The following TENM2 variants were observed in gnomAD, a reference collection of about 807,000 sequenced individuals.
TENM2 encodes the protein teneurin-2.
TENM2 carries 52 observed loss-of-function variants against 245.2 expected under a neutral mutation model. The ratio of observed to expected loss-of-function variants is 0.21; its 90% confidence interval spans 0.17 to 0.27. The LOEUF (loss-of-function observed/expected upper bound fraction) is 0.27. TENM2 is among the 10% of genes least tolerant of loss of function. The pLI, the probability that TENM2 is intolerant of heterozygous loss-of-function variation, is 1.00. For missense variants in TENM2, 3,046 were observed against 3,666.8 expected (o/e 0.83, Z 4.37); for synonymous variants, 1,363 against 1,438.9 (o/e 0.95, Z 1.19).
chr5:167,077,449 A>C, the TENM2 span, among the ~76,000 whole-genome samples: 1 of 152,182 alleles, frequency 6.6e-6, no homozygotes, highest in African/African-American at 2.4e-5. Flanking sequence ...TACAACTAGG[A>C]GGGAGGAAAA....
intron 2 of TENM2, among the ~76,000 whole-genome samples, chr5:167,562,763 C>T (rs1773675512): frequency 6.6e-6 from 1 of 151,952 alleles, no homozygotes; most frequent in Admixed American, 6.6e-5. Flanking sequence ...TCAAGACCAG[C>T]CTGGCCAACA....
At chr5:168,066,016 C>T (rs1790472867) in intron 7 of TENM2, among the ~76,000 whole-genome samples, 1 of 152,050 alleles carries the variant, frequency 6.6e-6, no homozygotes, top group Non-Finnish European at 1.5e-5. Flanking sequence ...GGATAGAGGC[C>T]AAGGATGCTG....
intron 15 of TENM2, among the ~76,000 whole-genome samples, chr5:168,196,958 C>T (rs966763784): frequency 7.2e-5 from 11 of 152,218 alleles, no homozygotes; most frequent in Admixed American, 2.0e-4. Context: ...TACTCTTCAG[C>T]TTGTTCAGGT....
intron 10 of TENM2, among the ~76,000 whole-genome samples, chr5:168,120,488 T>C (rs1795392144): frequency 6.6e-6 from 1 of 152,204 alleles, no homozygotes; most frequent in Non-Finnish European, 1.5e-5. Flanking sequence ...GGCAACAACA[T>C]TGCCAGTCTT....
At chr5:167,351,118 CAT>C (rs1236299205) in intron 1 of TENM2, among the ~76,000 whole-genome samples, 1 of 136,056 alleles carries the variant, frequency 7.3e-6, no homozygotes, top group African/African-American at 2.7e-5. Flanking sequence ...GGGATATATA[CAT>C]ATGGATATAT....
intron 2 of TENM2, among the ~76,000 whole-genome samples, chr5:167,512,872 C>T (rs757967395): frequency 6.6e-6 from 1 of 152,094 alleles, no homozygotes; most frequent in Non-Finnish European, 1.5e-5. Context: ...GTTGCAGTAG[C>T]GTTTCTTTCT....
chr5:168,211,791 G>A (rs2152553996), intron 20 of TENM2, 37 bp downstream of exon 22: 1 of 1,286,098 alleles, frequency 7.8e-7, no homozygotes, highest in Non-Finnish European at 1.1e-6. Context: ...AATTTGATAT[G>A]GTTCGTTTGC....
the TENM2 span, among the ~76,000 whole-genome samples, chr5:167,230,296 C>T: frequency 6.6e-6 from 1 of 152,170 alleles, no homozygotes; most frequent in Non-Finnish European, 1.5e-5. Flanking sequence ...CTGGGGGTCT[C>T]TTACTAAACC....
chr5:167,111,850 T>G, the TENM2 span, among the ~76,000 whole-genome samples: 3 of 152,226 alleles, frequency 2.0e-5, no homozygotes, highest in Non-Finnish European at 4.4e-5. Flanking sequence ...CCTTTCTTAT[T>G]GTTTTCATTC....
At chr5:167,003,486 T>G in the TENM2 span, among the ~76,000 whole-genome samples, 1 of 152,216 alleles carries the variant, frequency 6.6e-6, no homozygotes, top group East Asian at 1.9e-4. Flanking sequence ...CATTAATATT[T>G]GAAGTTTTAG....
At chr5:168,194,738 A>G (rs1761245640) in intron 14 of TENM2, among the ~76,000 whole-genome samples, 1 of 152,048 alleles carries the variant, frequency 6.6e-6, no homozygotes, top group African/African-American at 2.4e-5. Context: ...GCTCCCCTCT[A>G]CCCACTCTGA....
At chr5:167,969,042 T>C (rs1308781035) in intron 4 of TENM2, among the ~76,000 whole-genome samples, 2 of 152,236 alleles carry the variant, frequency 1.3e-5, no homozygotes, top group Non-Finnish European at 2.9e-5. Context: ...CTTTTGGTCT[T>C]TGTTTTTAGA....
At chr5:168,192,391 C>G (rs1476106669) in intron 14 of TENM2, among the ~76,000 whole-genome samples, 1 of 152,126 alleles carries the variant, frequency 6.6e-6, no homozygotes, top group Non-Finnish European at 1.5e-5. Flanking sequence ...CTCACCAGAT[C>G]GCCAAAACTT....
chr5:167,952,160 T>G (rs535185015), intron 3 of TENM2, among the ~76,000 whole-genome samples: 2 of 152,276 alleles, frequency 1.3e-5, no homozygotes, highest in South Asian at 2.1e-4. Context: ...TGACTTAGAG[T>G]GTTCCATATT....
the TENM2 span, among the ~76,000 whole-genome samples, chr5:167,016,281 C>CAAAA: frequency 1.0e-4 from 8 of 78,842 alleles, no homozygotes; most frequent in South Asian, 4.8e-4. Flanking sequence ...AACAAACAAA[C>CAAAA]AAAAAAAAAA....
At chr5:167,037,164 A>G in the TENM2 span, among the ~76,000 whole-genome samples, 1 of 152,218 alleles carries the variant, frequency 6.6e-6, no homozygotes, top group African/African-American at 2.4e-5. Flanking sequence ...ATAAATGTAA[A>G]GATTTATTGC....
chr5:167,789,304 C>G (rs1455738300), intron 2 of TENM2, among the ~76,000 whole-genome samples: 1 of 152,148 alleles, frequency 6.6e-6, no homozygotes, highest in Non-Finnish European at 1.5e-5. Context: ...CAGAGAACTC[C>G]CAAGTAAGAG....
chr5:167,999,626 C>T lies in TENM2; in HGVS notation c.1186+6444C>T, dbSNP rs939273955. 3.9e-5 allele frequency among the ~76,000 whole-genome samples: 6 copies of T among 152,174 alleles called. No homozygotes were observed. The East Asian group carries it at 7.7e-4, about 20-fold the overall frequency. On this transcript the variant is annotated intron_variant, in intron 5 of 28. Coordinates refer to ENST00000518659, the Ensembl canonical transcript of TENM2. ...TCAGAAAAAATGAATCCCTCTGCTT[C>T]GGAGGAGGACGTGGCCTCTTTAAAA...
intron 2 of TENM2, among the ~76,000 whole-genome samples, chr5:167,847,279 G>A (rs1166759736): frequency 6.6e-6 from 1 of 152,128 alleles, no homozygotes; most frequent in African/African-American, 2.4e-5. Flanking sequence ...CCACATAAAT[G>A]TCTTTTCTAA....
Sources: gnomAD v4.1 joint callset for allele counts (sites outside exome capture counted in the v4.1 genomes callset) on GRCh38, gnomAD v4.1.1 for gene constraint, MANE v1.5 for transcripts, NCBI Gene and HGNC (gene_info 2026-07-23, HGNC 2026-07-21) for gene names.